The following TSBP1 variants were observed in gnomAD, a reference collection of about 807,000 sequenced individuals.
TSBP1 encodes testis expressed basic protein 1.
Under a neutral mutation model 68.8 loss-of-function variants are expected in TSBP1, and 56 were observed. The ratio of observed to expected loss-of-function variants is 0.81; its 90% confidence interval spans 0.66 to 1.02. The LOEUF is 1.02. Among genes scored for constraint, TSBP1 ranks in the 50% least tolerant of loss-of-function variants. The probability of loss-of-function intolerance (pLI) is 0.00; values close to 1 mark genes in which losing one functional copy is unlikely to be tolerated. For missense variants in TSBP1, 502 were observed against 641.2 expected, an observed-to-expected ratio of 0.78 and a Z score of 2.34; for synonymous variants, 171 against 208.7, an observed-to-expected ratio of 0.82 and a Z score of 1.56.
At chr6:32,334,133 G>A (rs2022537) in intron 14 of TSBP1, 35,006 of 154,788 alleles carry the variant, frequency 0.23, 4,309 homozygotes, top group African/African-American at 0.29. Context: ...CTTCCTTTCC[G>A]GTTTCAATTT....
rs1422871734 is a variant in TSBP1, at chr6:32,321,706, C to G, written c.559+1411G>C. Among the ~76,000 whole-genome samples the G allele has an allele frequency of 2.6e-5, 4 of 152,162 alleles. No individual in the cohort carries two copies. Among genetic ancestry groups the G allele is most frequent in the African/African-American group, 9.7e-5 (4 of 41,418 alleles). On this transcript the variant is annotated intron_variant, in intron 18 of 22. Coordinates refer to ENST00000612031, the Ensembl canonical transcript of TSBP1. This position sits in a 1 kb window ranked among gnomAD's most constrained non-coding sequence, Gnocchi z 4.3. ...AATTCTCCTCTCTCAAATACCAATG[C>G]CTTTGTCCTAACATTATTGAAATGA... is the stretch of plus-strand genomic sequence containing the variant.
intron 19 of TSBP1, among the ~76,000 whole-genome samples, chr6:32,310,761 A>ATAT: frequency 0.032 from 4,569 of 144,800 alleles, 89 homozygotes; most frequent in South Asian, 0.059. Flanking sequence ...ATATATATAT[A>ATAT]TTTTTAATCT....
intron 8 of TSBP1, chr6:32,352,845 A>G (rs560054176): frequency 6.6e-6 from 1 of 152,064 alleles, no homozygotes; most frequent in African/African-American, 2.4e-5. Flanking sequence ...AGCATTTAGA[A>G]GTTACTTAGA....
intron 22 of TSBP1, 53 bp from the exon 26 acceptor site, chr6:32,294,088 T>G: frequency 2.5e-6 from 4 of 1,587,258 alleles, no homozygotes; most frequent in Non-Finnish European, 3.4e-6. Context: ...TTCTCTTTAT[T>G]TCTATTTTTT....
chr6:32,311,658 A>C (rs9268203), intron 19 of TSBP1, among the ~76,000 whole-genome samples: 3 of 152,118 alleles, frequency 2.0e-5, no homozygotes, highest in Non-Finnish European at 4.4e-5. Context: ...AGGGCAGGAG[A>C]TTTAAGAGTC....
chr6:32,322,193 G>T (rs1767707623), intron 18 of TSBP1, among the ~76,000 whole-genome samples: 1 of 152,220 alleles, frequency 6.6e-6, no homozygotes, highest in African/African-American at 2.4e-5. Context: ...GTAGGACATA[G>T]TGTGAAAGGC....
chr6:32,348,479 T>TTTTGTATGTTTGTTTTAGA (rs780708414), intron 9 of TSBP1, among the ~76,000 whole-genome samples: 10 of 130,628 alleles, frequency 7.7e-5, no homozygotes, highest in Admixed American at 3.1e-4. Flanking sequence ...TATTTTATAT[T>TTTTGTATGTTTGTTTTAGA]AATTTACATT....
intron 19 of TSBP1, among the ~76,000 whole-genome samples, chr6:32,310,761 A>ATATTTTTT: frequency 0.019 from 2,750 of 144,780 alleles, 68 homozygotes; most frequent in African/African-American, 0.064. Flanking sequence ...ATATATATAT[A>ATATTTTTT]TTTTTAATCT....
intron 6 of TSBP1, among the ~76,000 whole-genome samples, chr6:32,364,000 C>T (rs901350746): frequency 3.3e-5 from 5 of 152,078 alleles, no homozygotes; most frequent in African/African-American, 7.2e-5. Flanking sequence ...AACAGCTTTA[C>T]GGGTAAAGAG....
At chr6:32,319,638 G>A (rs901311769) in intron 18 of TSBP1, among the ~76,000 whole-genome samples, 11 of 152,108 alleles carry the variant, frequency 7.2e-5, no homozygotes, top group African/African-American at 2.7e-4. Context: ...GCCTGTGCAT[G>A]TTGTACTTGT....
Position 32,316,884 on chromosome 6 carries a change from G to C in TSBP1, c.560-1092C>G, listed in dbSNP as rs1350994477. On this transcript the variant is annotated intron_variant, in intron 18 of 22. Coordinates refer to ENST00000612031, the Ensembl canonical transcript of TSBP1. The surrounding 1 kb of genome is among the most constrained non-coding windows in gnomAD (Gnocchi z 4.5). ...GAGGTCGAGGCAGGCGGATCACGAG[G>C]TCAGGAGATCAAGACCATCCTGGCG... is the stretch of plus-strand genomic sequence containing the variant. Among the ~76,000 whole-genome samples, 1 of 151,992 alleles carries C rather than the reference G, an allele frequency of 6.6e-6. No individual in the cohort carries two copies. Among genetic ancestry groups the C allele is most frequent in the African/African-American group, 2.4e-5 (1 of 41,330 alleles).
chr6:32,369,283 C>A (rs1395053038), intron 2 of TSBP1, among the ~76,000 whole-genome samples: 1 of 110,900 alleles, frequency 9.0e-6, no homozygotes, highest in Non-Finnish European at 2.1e-5. Flanking sequence ...CTTCTCACTT[C>A]TATTTTTTTT....
At position 32,369,757 on chromosome 6, in the gene TSBP1, C is replaced by G. The variant is rs531004437; in HGVS notation, c.100+140G>C. ...CACTAATAGGTCAGAGATTCTTTGA[C>G]TCAAGTATTGAAACAGATTCCCAGA... On this transcript the variant is annotated intron_variant, in intron 2 of 22. Transcript: ENST00000612031. 187 of 767,388 alleles carry G rather than the reference C, an allele frequency of 2.4e-4. 1 individual carries two copies. The highest frequency in any genetic ancestry group is 2.3e-3 in the African/African-American group (135 of 59,066). The allele number at this position is 767,388 out of a possible 1,614,324, so 47.5% of individuals were successfully genotyped here.
chr6:32,315,605 C>T lies in TSBP1; in HGVS notation c.580+167G>A, dbSNP rs139480190. On this transcript the variant is annotated intron_variant, in intron 19 of 22. Transcript: ENST00000612031. The surrounding 1 kb of genome is among the most constrained non-coding windows in gnomAD (Gnocchi z 5.4). ...AAAACCTAAATAATGGGAAATATTACAGTTATGAATCAAAAAGTTTGTCTT... is the reference window on the plus strand; with the variant it reads ...AAAACCTAAATAATGGGAAATATTATAGTTATGAATCAAAAAGTTTGTCTT... Among the ~76,000 whole-genome samples, 1 of 152,176 alleles carries T rather than the reference C, an allele frequency of 6.6e-6. No homozygotes were observed. The highest frequency in any genetic ancestry group is 2.4e-5 in the African/African-American group (1 of 41,524).
rs1769587758 is a variant in TSBP1 at position 32,335,847 on chromosome 6, A to G, written c.451+65T>C. 3.9e-6 allele frequency: 5 copies of G among 1,268,716 alleles called. No individual in the cohort carries two copies. In the South Asian group the frequency reaches 4.9e-5, roughly 12 times the overall value. 78.6% of individuals were successfully genotyped at this position (1,268,716 alleles called of 1,614,324 possible). On this transcript the variant is annotated intron_variant, in intron 13 of 22. Coordinates refer to ENST00000612031, the Ensembl canonical transcript of TSBP1. This position sits in a 1 kb window ranked among gnomAD's most constrained non-coding sequence, Gnocchi z 5.5. ...TGAAATCCCAACATGGAAACCAGGT[A>G]GCGATCCCTAAGATACTGCAGGAAA...
At chr6:32,324,732 A>G (rs6937671) in intron 16 of TSBP1, 21,058 of 1,546,522 alleles carry the variant, frequency 0.014, 651 homozygotes, top group African/African-American at 0.13. Flanking sequence ...TTCTTTTCCT[A>G]CTCATTTTTT....
At chr6:32,334,856 AC>A (rs1248450970) in intron 14 of TSBP1, among the ~76,000 whole-genome samples, 5 of 152,032 alleles carry the variant, frequency 3.3e-5, no homozygotes, top group Non-Finnish European at 7.4e-5. Flanking sequence ...ACAGAGTGAA[AC>A]CCCATCTCTA....
chr6:32,354,587 G>A (rs1252433085), intron 8 of TSBP1, among the ~76,000 whole-genome samples: 8 of 151,978 alleles, frequency 5.3e-5, no homozygotes, highest in South Asian at 2.1e-4. Flanking sequence ...TATGTACCCC[G>A]GATAAACTCT....
At chr6:32,331,642 G>C (rs1011097217) in intron 15 of TSBP1, among the ~76,000 whole-genome samples, 1 of 152,044 alleles carries the variant, frequency 6.6e-6, no homozygotes, top group African/African-American at 2.4e-5. Flanking sequence ...CATTCTGCAG[G>C]AACAAGGGCC....
Sources: allele counts gnomAD v4.1 joint callset (sites outside exome capture counted in the v4.1 genomes callset), GRCh38; gene constraint gnomAD v4.1.1; non-coding constraint Gnocchi (gnomAD v3.1); transcripts MANE v1.5; gene names NCBI Gene and HGNC (gene_info 2026-07-23, HGNC 2026-07-21).